ATL3: variants seen among roughly 807,000 people sequenced by gnomAD.
ATL3 encodes atlastin GTPase 3.
In ATL3, 49 loss-of-function variants were observed where a neutral mutation model predicts 69.5. That is an observed-to-expected ratio of 0.71 (90% CI 0.56 to 0.89). The LOEUF (loss-of-function observed/expected upper bound fraction) is 0.89. Among genes scored for constraint, ATL3 ranks in the 40% least tolerant of loss-of-function variants. ATL3 has a pLI of 0.00. For synonymous variants in ATL3, 214 were observed against 224.1 expected (o/e 0.95, Z 0.40); for missense variants, 606 against 645.7 (o/e 0.94, Z 0.67).
In ATL3 at chr11:63,654,321, A is replaced by G. The variant is rs182627141; in HGVS notation, c.406-1746T>C. Among the ~76,000 whole-genome samples, 1,128 of 151,746 alleles carry G rather than the reference A, an allele frequency of 7.4e-3. 5 individuals are homozygous for G. The highest frequency in any genetic ancestry group is 0.03 in the South Asian group (143 of 4,810). The stretch of plus-strand genomic sequence containing the variant: ...GCCACCACGCCCAGCTAATTTTTGT[A>G]TTTTTAGTAGAGACGGGGTTTCACT... On this transcript the variant is annotated intron_variant, in intron 3 of 12. Transcript: ENST00000398868.
At chr11:63,671,852 G>T (rs186216172), upstream of ATL3, 843 of 658,244 alleles carry the variant, frequency 1.3e-3, 6 homozygotes, top group African/African-American at 0.016. Flanking sequence ...GTGCAGACCA[G>T]GCCCCAGGCC....
Position 63,636,272 on chromosome 11 carries a change from T to A in ATL3, c.913A>T (p.Lys305Ter), listed in dbSNP as rs1209666760. Residue 305 changes from lysine to a stop codon, truncating the protein, a stop_gained, in exon 9 of 13, where the codon AAG becomes TAG. Coordinates refer to ENST00000398868, the MANE Select transcript of ATL3 (RefSeq NM_015459.5). LOFTEE classifies it high-confidence loss of function. ...CCATTGATCTCCTTTTCCATTAACTTAGATGGGTTTAATACATACGGTATC... is the reference window on the plus strand; with the variant it reads ...CCATTGATCTCCTTTTCCATTAACTAAGATGGGTTTAATACATACGGTATC... ...ALIPYVLNPS[K>*]LMEKEINGSK... 1 of 1,614,082 alleles carries A rather than the reference T, an allele frequency of 6.2e-7. No homozygotes were observed. The highest frequency in any genetic ancestry group is 1.1e-5 in the South Asian group (1 of 91,080).
chr11:63,642,383 C>T (rs1939727673), intron 8 of ATL3, among the ~76,000 whole-genome samples: 1 of 152,136 alleles, frequency 6.6e-6, no homozygotes, highest in African/African-American at 2.4e-5. Context: ...CATTCATTTT[C>T]TTGGATCAAC....
chr11:63,630,000 C>T (rs1483420028), intron 12 of ATL3, among the ~76,000 whole-genome samples: 3 of 151,966 alleles, frequency 2.0e-5, no homozygotes, highest in East Asian at 1.9e-4. Flanking sequence ...GACTCAAAAC[C>T]GAACATTTTT....
chr11:63,646,608 A>C, intron 5 of ATL3, 45 bp from the exon 6 acceptor site: 1 of 1,357,544 alleles, frequency 7.4e-7, no homozygotes, highest in Non-Finnish European at 1.0e-6. Flanking sequence ...AATTACTTAA[A>C]ATAGTTCTAT....
chr11:63,663,498 G>A (rs1160565799), intron 1 of ATL3, among the ~76,000 whole-genome samples: 7 of 152,148 alleles, frequency 4.6e-5, no homozygotes, highest in Non-Finnish European at 2.9e-5. Context: ...TAGGTTAAAT[G>A]TCATGCTATC....
rs964472038 is a variant in ATL3, at chr11:63,631,267, A to T, written c.1312T>A (p.Phe438Ile). 14 of 1,614,248 alleles carry T rather than the reference A, an allele frequency of 8.7e-6. No homozygotes were observed. Among genetic ancestry groups the T allele is most frequent in the Non-Finnish European group, 1.1e-5 (13 of 1,180,042 alleles). The change falls in exon 12 of 13, where the codon TTC becomes ATC. Residue 438 changes from phenylalanine to isoleucine, a missense_variant. Coordinates refer to ENST00000398868, the MANE Select transcript of ATL3 (RefSeq NM_015459.5). Reference sequence around the variant, plus strand: ...ACTGCAGGGGTTCGGAAGGTGCTGAAGACGTTCTTGCTACCATTGTGCTTG... The same window carrying T: ...ACTGCAGGGGTTCGGAAGGTGCTGATGACGTTCTTGCTACCATTGTGCTTG... ...FCKHNGSKNV[F>I]STFRTPAVLF...
rs1939141063 is a variant in ATL3, at chr11:63,627,176, G to A, written c.*2143C>T. 6.6e-6 allele frequency: 1 copy of A among 152,006 alleles called. No individual in the cohort carries two copies. The highest frequency in any genetic ancestry group is 2.4e-5 in the African/African-American group (1 of 41,400). 9.4% of individuals were successfully genotyped at this position (152,006 alleles called of 1,614,324 possible). ...TCTGAAATCTATAAATTTACTTATA[G>A]AATGTATTAAAAGCTAAGTATGTCA... On this transcript the variant is annotated 3_prime_UTR_variant, in exon 13 of 13. Coordinates refer to ENST00000398868, the MANE Select transcript of ATL3 (RefSeq NM_015459.5).
chr11:63,644,205 G>A lies in ATL3; in HGVS notation c.675C>T (p.Leu225=), dbSNP rs1407456917. ...TATCCAAAAATGCCATTCCTCCTTGGAGTCCATAGCTATATTCATAAGGGA... is the reference window on the plus strand; with the variant it reads ...TATCCAAAAATGCCATTCCTCCTTGAAGTCCATAGCTATATTCATAAGGGA... ...WSFPYEYSYG[L]QGGMAFLDKR... The change falls in exon 7 of 13, where the codon CTC becomes CTT. Residue 225 remains leucine, a synonymous_variant. Coordinates refer to ENST00000398868, the MANE Select transcript of ATL3 (RefSeq NM_015459.5). The A allele has an allele frequency of 1.2e-6, 2 of 1,610,996 alleles. No homozygotes were observed. Among genetic ancestry groups the A allele is most frequent in the South Asian group, 1.1e-5 (1 of 90,380 alleles).
At chr11:63,652,352 A>C (rs1460448932) in intron 4 of ATL3, 119 bp downstream of exon 4, 2 of 682,192 alleles carry the variant, frequency 2.9e-6, no homozygotes, top group Non-Finnish European at 4.5e-6. Context: ...TCTACAGTTT[A>C]AAAATAATAT....
intron 3 of ATL3, among the ~76,000 whole-genome samples, chr11:63,654,802 T>C (rs1228012983): frequency 6.6e-6 from 1 of 151,002 alleles, no homozygotes; most frequent in Non-Finnish European, 1.5e-5. Flanking sequence ...GTTCAAGCGA[T>C]TCTCCTGCCT....
chr11:63,655,792 G>C (rs768621193), intron 3 of ATL3, among the ~76,000 whole-genome samples: 1 of 151,968 alleles, frequency 6.6e-6, no homozygotes, highest in African/African-American at 2.4e-5. Context: ...AGCAGCAAGA[G>C]GCACATGTAA....
At chr11:63,632,923 T>C (rs1939372714) in intron 11 of ATL3, 103 bp downstream of exon 11, 2 of 1,043,052 alleles carry the variant, frequency 1.9e-6, no homozygotes, top group African/African-American at 1.6e-5. Context: ...GTTTATTGCC[T>C]CATCACTTAA....
chr11:63,671,596 C>A, upstream of ATL3: 1 of 1,423,414 alleles, frequency 7.0e-7, no homozygotes, highest in Admixed American at 2.5e-5. Context: ...AGAATCCCGC[C>A]ACCGCCTGCC....
chr11:63,669,886 T>C (rs1253681807), intron 1 of ATL3, among the ~76,000 whole-genome samples: 1 of 151,894 alleles, frequency 6.6e-6, no homozygotes, highest in Non-Finnish European at 1.5e-5. Context: ...AGGCGGAGGG[T>C]GCAGTGAGCC....
At chr11:63,649,730 G>A (rs955922639) in intron 5 of ATL3, among the ~76,000 whole-genome samples, 5 of 151,792 alleles carry the variant, frequency 3.3e-5, no homozygotes, top group Non-Finnish European at 2.9e-5. Flanking sequence ...TAGAGACAGG[G>A]TTTCACCATG....
chr11:63,669,815 G>A (rs958192812), intron 1 of ATL3, among the ~76,000 whole-genome samples: 1 of 152,042 alleles, frequency 6.6e-6, no homozygotes, highest in Admixed American at 6.6e-5. Flanking sequence ...GGGCCTGGTG[G>A]CGGATGTCTA....
chr11:63,634,813 T>C lies in ATL3; in HGVS notation c.1035+721A>G, dbSNP rs1260876199. ...GGCAGGCACATCGCTTGAGCCAAGTTTGAGACCAGCCTGGGCGACACAGCA... is the reference window on the plus strand; with the variant it reads ...GGCAGGCACATCGCTTGAGCCAAGTCTGAGACCAGCCTGGGCGACACAGCA... On this transcript the variant is annotated intron_variant, in intron 10 of 12. Coordinates refer to ENST00000398868, the MANE Select transcript of ATL3 (RefSeq NM_015459.5). 3.9e-5 allele frequency among the ~76,000 whole-genome samples: 6 copies of C among 152,216 alleles called. No individual in the cohort carries two copies. The South Asian group carries it at 8.3e-4, about 21-fold the overall frequency.
chr11:63,661,948 C>T (rs1260965704), intron 1 of ATL3, among the ~76,000 whole-genome samples: 1 of 151,628 alleles, frequency 6.6e-6, no homozygotes, highest in Non-Finnish European at 1.5e-5. Context: ...CATGGTGGCT[C>T]ACACCTGTAA....
Sources: allele counts gnomAD v4.1 joint callset (sites outside exome capture counted in the v4.1 genomes callset), GRCh38; gene constraint gnomAD v4.1.1; transcripts MANE v1.5; gene names NCBI Gene and HGNC (gene_info 2026-07-23, HGNC 2026-07-21).